The following CERS3 variants were observed in gnomAD, a reference collection of about 807,000 sequenced individuals.
The protein encoded by CERS3 is LAG1 homolog, ceramide synthase 3.
A neutral mutation model predicts 50.3 loss-of-function variants in CERS3; 33 were observed. The observed-to-expected ratio is 0.66, with a 90% CI of 0.50 to 0.88. The LOEUF (loss-of-function observed/expected upper bound fraction) is 0.88, where lower values mean the gene tolerates loss of function less well. Ranked by LOEUF, CERS3 falls within the 40% of genes least tolerant of loss-of-function variation. The probability of loss-of-function intolerance (pLI) is 0.00; values close to 1 mark genes in which losing one functional copy is unlikely to be tolerated. For missense variants in CERS3, 470 were observed against 460.3 expected (o/e 1.02, Z -0.19); for synonymous variants, 176 against 155.2 (o/e 1.13, Z -0.99).
At chr15:100,527,059 T>A (rs993807813) in intron 1 of CERS3, among the ~76,000 whole-genome samples, 1 of 152,082 alleles carries the variant, frequency 6.6e-6, no homozygotes, top group Admixed American at 6.6e-5. Context: ...ATTGGGAGGC[T>A]GAGGTGGGCA....
intron 4 of CERS3, among the ~76,000 whole-genome samples, chr15:100,485,329 G>T (rs2142283580): frequency 6.6e-6 from 1 of 152,324 alleles, no homozygotes; most frequent in East Asian, 1.9e-4. Context: ...TTGGGAAGTA[G>T]AAGTTGTAGG....
rs1217852084 is a variant in CERS3 at position 100,526,478 on chromosome 15, C to CTGTGTGTGTGTGTGTGTGTGTGTGTGTG, written c.-92+2307_-92+2334dup. 2.1e-3 allele frequency among the ~76,000 whole-genome samples: 273 copies of CTGTGTGTGTGTGTGTGTGTGTGTGTGTG among 131,542 alleles called. 5 individuals carry two copies. The highest frequency in any genetic ancestry group is 7.6e-3 in the Middle Eastern group (2 of 262). 86.3% of individuals were successfully genotyped at this position (131,542 alleles called of 152,430 possible). A position where few individuals can be genotyped will look rare whatever the true frequency, so the allele number is the denominator to read the frequency against. On this transcript the variant is annotated intron_variant, in intron 1 of 11. Transcript: ENST00000679737. ...GGAGGCCAGGGAAAACCTACATAAA[C>CTGTGTGTGTGTGTGTGTGTGTGTGTGTG]TGTGTGTGTGTGTGTGTGTGTGTGT...
intron 11 of CERS3, among the ~76,000 whole-genome samples, chr15:100,438,080 C>T (rs1293249337): frequency 1.5e-5 from 2 of 134,188 alleles, no homozygotes; most frequent in South Asian, 2.3e-4. Context: ...CACTCTGTCT[C>T]CCAGGCTGGA....
intron 11 of CERS3, among the ~76,000 whole-genome samples, chr15:100,417,639 A>G (rs2032048148): frequency 1.3e-5 from 2 of 152,166 alleles, no homozygotes; most frequent in Admixed American, 1.3e-4. Context: ...GGCACAGCCA[A>G]ACAAAAAGAC....
At chr15:100,440,212 G>A (rs2033617728) in intron 11 of CERS3, among the ~76,000 whole-genome samples, 1 of 152,074 alleles carries the variant, frequency 6.6e-6, no homozygotes, top group Admixed American at 6.5e-5. Flanking sequence ...TATTTAACTT[G>A]TCTCAGTTAC....
intron 5 of CERS3, among the ~76,000 whole-genome samples, chr15:100,482,472 G>C (rs79923574): frequency 0.021 from 3,188 of 152,178 alleles, 103 homozygotes; most frequent in African/African-American, 0.072. Context: ...ACCCAGCCGG[G>C]GAGAGCCCTT....
Position 100,468,811 on chromosome 15 carries a change from G to A in CERS3, c.845+567C>T, listed in dbSNP as rs140947111. Among the ~76,000 whole-genome samples the A allele has an allele frequency of 4.6e-3, 697 of 152,232 alleles. 8 individuals are homozygous for A. The highest frequency in any genetic ancestry group is 0.016 in the African/African-American group (660 of 41,538). On this transcript the variant is annotated intron_variant, in intron 10 of 11. Transcript: ENST00000679737. ...GCTAAACAAAATCAACAGACTGATC[G>A]AGAGCCAATCATATCGAAAGGATAC... is the stretch of plus-strand genomic sequence containing the variant.
At chr15:100,512,211 C>T (rs1351441502) in intron 2 of CERS3, among the ~76,000 whole-genome samples, 2 of 152,222 alleles carry the variant, frequency 1.3e-5, no homozygotes, top group Non-Finnish European at 2.9e-5. Context: ...CCAAATTCAT[C>T]CTTTTTGCCT....
chr15:100,425,467 T>A (rs1385017714), intron 11 of CERS3, among the ~76,000 whole-genome samples: 1 of 131,554 alleles, frequency 7.6e-6, no homozygotes, highest in Non-Finnish European at 1.7e-5. Context: ...TTTGTAGCTA[T>A]AAGATTTAAT....
At position 100,505,221 on chromosome 15, in the gene CERS3, G is replaced by A. The variant is rs1347350975; in HGVS notation, c.-1-3371C>T. ...CCCCCCCAATATTATTATAATCACT[G>A]TTATACAAAATAGCTTGCTCACCTG... On this transcript the variant is annotated intron_variant, in intron 2 of 11. Coordinates refer to ENST00000679737, the MANE Select transcript of CERS3 (RefSeq NM_001378789.1). 2.6e-5 allele frequency among the ~76,000 whole-genome samples: 4 copies of A among 152,274 alleles called. No homozygotes were observed. In the East Asian group the frequency reaches 7.7e-4, roughly 29 times the overall value.
At chr15:100,529,395 C>G (rs1406192723), upstream of CERS3, 1 of 152,212 alleles carries the variant, frequency 6.6e-6, no homozygotes. Context: ...GATTTCTCTG[C>G]CCGCTTCCTA....
chr15:100,452,787 A>C (rs2034219187), intron 11 of CERS3, among the ~76,000 whole-genome samples: 2 of 152,124 alleles, frequency 1.3e-5, no homozygotes, highest in Non-Finnish European at 2.9e-5. Flanking sequence ...AAAGACCAAA[A>C]TAAAGAAAAT....
At chr15:100,451,433 G>A (rs575392640) in intron 11 of CERS3, among the ~76,000 whole-genome samples, 2 of 152,274 alleles carry the variant, frequency 1.3e-5, no homozygotes, top group South Asian at 4.1e-4. Flanking sequence ...GCCAGGCATG[G>A]TGGCTCATGC....
intron 11 of CERS3, among the ~76,000 whole-genome samples, chr15:100,435,152 C>T (rs945537615): frequency 5.9e-5 from 9 of 152,216 alleles, no homozygotes; most frequent in Middle Eastern, 3.2e-3. Flanking sequence ...GCTGGCCAAA[C>T]GACTTGGGTA....
At chr15:100,514,192 T>A (rs1345662648) in intron 2 of CERS3, among the ~76,000 whole-genome samples, 1 of 152,234 alleles carries the variant, frequency 6.6e-6, no homozygotes, top group Non-Finnish European at 1.5e-5. Context: ...AGTGGGTAAA[T>A]GCTTGTAAAT....
At position 100,544,650 on chromosome 15, in the gene CERS3, C is replaced by A. The variant is rs150999619; in HGVS notation, c.-355+1G>T. The A allele has an allele frequency of 0.013, 2,024 of 152,734 alleles. 42 individuals carry two copies. The highest frequency in any genetic ancestry group is 0.046 in the African/African-American group (1,916 of 41,560). 9.5% of individuals were successfully genotyped at this position (152,734 alleles called of 1,614,324 possible). A position where few individuals can be genotyped will look rare whatever the true frequency, so the allele number is the denominator to read the frequency against. On this transcript the variant is annotated splice_donor_variant, in intron 1 of 12. Coordinates refer to the CERS3 transcript ENST00000284382. LOFTEE classifies it low-confidence loss of function (5UTR_SPLICE). The stretch of plus-strand genomic sequence containing the variant: ...GCACCCGCCCCGGGCCCCGCACCTG[C>A]CTCCTCCTCCGTCCTGGGCCGAGGC...
At chr15:100,527,131 C>G (rs180927834) in intron 1 of CERS3, among the ~76,000 whole-genome samples, 1 of 151,938 alleles carries the variant, frequency 6.6e-6, no homozygotes, top group Admixed American at 6.6e-5. Flanking sequence ...CCCATCTCTA[C>G]TAAAACTACA....
chr15:100,533,073 T>G (rs2036979777), upstream of CERS3, among the ~76,000 whole-genome samples: 2 of 152,172 alleles, frequency 1.3e-5, no homozygotes. Flanking sequence ...GAAAGTCTCT[T>G]TGCCGGATAA....
intron 10 of CERS3, among the ~76,000 whole-genome samples, chr15:100,457,963 T>C (rs1227412866): frequency 6.6e-6 from 1 of 152,230 alleles, no homozygotes; most frequent in Non-Finnish European, 1.5e-5. Context: ...TAAACTGAAA[T>C]TATTTCTATG....
Sources: allele counts gnomAD v4.1 joint callset (sites outside exome capture counted in the v4.1 genomes callset), GRCh38; gene constraint gnomAD v4.1.1; transcripts MANE v1.5; gene names NCBI Gene and HGNC (gene_info 2026-07-23, HGNC 2026-07-21).